The following CAMTA1 variants were observed in gnomAD, a reference collection of about 807,000 sequenced individuals.
CAMTA1 encodes calmodulin-binding transcription activator 1.
Under a neutral mutation model 170.9 loss-of-function variants are expected in CAMTA1, and 27 were observed. That is an observed-to-expected ratio of 0.16 (90% CI 0.12 to 0.22). CAMTA1 has a LOEUF of 0.22. CAMTA1 is among the 10% of genes least tolerant of loss of function. CAMTA1 has a pLI of 1.00. For missense variants in CAMTA1, 1,619 were observed against 2,217.2 expected (o/e 0.73, Z 5.42); for synonymous variants, 833 against 891.5 (o/e 0.93, Z 1.17).
intron 6 of CAMTA1, among the ~76,000 whole-genome samples, chr1:7,623,862 C>T (rs775076560): frequency 3.9e-5 from 6 of 152,208 alleles, no homozygotes; most frequent in East Asian, 1.9e-4. Flanking sequence ...CTGCAGCCAC[C>T]GCAATTAATT....
intron 5 of CAMTA1, among the ~76,000 whole-genome samples, chr1:7,363,810 C>G (rs1434278466): frequency 6.6e-6 from 1 of 152,154 alleles, no homozygotes; most frequent in Non-Finnish European, 1.5e-5. Flanking sequence ...AGGGGTGTTT[C>G]TCCAATAAGC....
intron 5 of CAMTA1, among the ~76,000 whole-genome samples, chr1:7,383,685 G>C (rs751200310): frequency 4.6e-5 from 7 of 152,118 alleles, no homozygotes; most frequent in Non-Finnish European, 8.8e-5. Context: ...TGGTGCTGCT[G>C]CTACTGTCGA....
intron 9 of CAMTA1, among the ~76,000 whole-genome samples, chr1:7,666,713 C>T (rs2096004672): frequency 6.6e-6 from 1 of 152,164 alleles, no homozygotes; most frequent in African/African-American, 2.4e-5. Context: ...GAAGGGGGCT[C>T]ATACTTCCTC....
At chr1:7,764,172 T>C (rs2096999013) in intron 22 of CAMTA1, among the ~76,000 whole-genome samples, 1 of 152,164 alleles carries the variant, frequency 6.6e-6, no homozygotes, top group South Asian at 2.1e-4. Context: ...TACAATTCTA[T>C]ACTGTAATAT....
intron 6 of CAMTA1, among the ~76,000 whole-genome samples, chr1:7,612,049 C>A (rs1273765868): frequency 1.3e-5 from 2 of 152,212 alleles, no homozygotes; most frequent in African/African-American, 4.8e-5. Flanking sequence ...AGGTGTGTTA[C>A]AATTAATGCT....
chr1:7,645,944 T>C (rs990882618), intron 7 of CAMTA1, among the ~76,000 whole-genome samples: 2 of 152,212 alleles, frequency 1.3e-5, no homozygotes, highest in Non-Finnish European at 2.9e-5. Context: ...TGGCAGGTGG[T>C]GGAGGCCATA....
At chr1:7,451,185 T>C (rs754355319) in intron 5 of CAMTA1, among the ~76,000 whole-genome samples, 17 of 152,318 alleles carry the variant, frequency 1.1e-4, no homozygotes, top group Non-Finnish European at 2.5e-4. Flanking sequence ...CTGACTCCAG[T>C]TGACAGCCAT....
chr1:7,406,650 G>T (rs1036145413), intron 5 of CAMTA1, among the ~76,000 whole-genome samples: 3 of 151,692 alleles, frequency 2.0e-5, no homozygotes, highest in Non-Finnish European at 4.4e-5. Context: ...GCACACACAC[G>T]CACACACATG....
intron 3 of CAMTA1, among the ~76,000 whole-genome samples, chr1:6,899,552 GCGCACACACACACACA>G (rs1472362865): frequency 1.9e-5 from 2 of 104,716 alleles, no homozygotes; most frequent in Admixed American, 1.8e-4. Flanking sequence ...GCACGCGCGC[GCGCACACACACACACA>G]CACACACACA....
At chr1:7,571,234 T>C (rs1185804887) in intron 6 of CAMTA1, among the ~76,000 whole-genome samples, 1 of 152,228 alleles carries the variant, frequency 6.6e-6, no homozygotes, top group Non-Finnish European at 1.5e-5. Flanking sequence ...GATAACCATC[T>C]TCTCACTGCG....
intron 5 of CAMTA1, among the ~76,000 whole-genome samples, chr1:7,446,866 T>C (rs1424237389): frequency 1.3e-5 from 2 of 152,168 alleles, no homozygotes; most frequent in African/African-American, 4.8e-5. Context: ...GGTTGTTCCT[T>C]GTAAGGGCAC....
In CAMTA1 at chr1:7,067,287, T is replaced by C. The variant is rs1237318154; in HGVS notation, c.235-24017T>C. The stretch of plus-strand genomic sequence containing the variant: ...GCTGGGAAGTTCCTGTCCCTTGTAC[T>C]CAGGGTCTCTCTTCCCTGGACAGTG... On this transcript the variant is annotated intron_variant, in intron 3 of 22. Transcript: ENST00000303635. The surrounding 1 kb of genome is among the most constrained non-coding windows in gnomAD (Gnocchi z 4.3). Among the ~76,000 whole-genome samples the C allele has an allele frequency of 6.6e-6, 1 of 152,216 alleles. No individual in the cohort carries two copies. Among genetic ancestry groups the C allele is most frequent in the Admixed American group, 6.5e-5 (1 of 15,286 alleles).
intron 6 of CAMTA1, among the ~76,000 whole-genome samples, chr1:7,520,114 C>A (rs1300146905): frequency 1.4e-5 from 2 of 146,590 alleles, no homozygotes; most frequent in Non-Finnish European, 3.0e-5. Flanking sequence ...CAACTCATTT[C>A]CAGGGCTTTG....
Position 7,580,422 on chromosome 1 carries a change from G to A in CAMTA1, c.511-59978G>A, listed in dbSNP as rs1179226343. On this transcript the variant is annotated intron_variant, in intron 6 of 22. Transcript: ENST00000303635. This position sits in a 1 kb window ranked among gnomAD's most constrained non-coding sequence, Gnocchi z 4.3. ...GTCTGGGGGAGAGGAAGGAAGACAG[G>A]TGAGGGGGCTGATGGGAGCCATGAT... 6.6e-6 allele frequency among the ~76,000 whole-genome samples: 1 copy of A among 152,108 alleles called. No individual in the cohort carries two copies. Among genetic ancestry groups the A allele is most frequent in the Admixed American group, 6.5e-5 (1 of 15,278 alleles).
chr1:7,060,812 G>C (rs1708090553), intron 3 of CAMTA1, among the ~76,000 whole-genome samples: 1 of 152,260 alleles, frequency 6.6e-6, no homozygotes, highest in East Asian at 1.9e-4. Flanking sequence ...TCAAGAATTG[G>C]GTTCCAATTT....
intron 6 of CAMTA1, among the ~76,000 whole-genome samples, chr1:7,617,392 GA>G (rs1191616464): frequency 6.6e-6 from 1 of 152,182 alleles, no homozygotes; most frequent in Non-Finnish European, 1.5e-5. Context: ...CGAAAACTTT[GA>G]AAGTATAGAC....
chr1:7,120,719 C>A (rs1165091120), intron 4 of CAMTA1, among the ~76,000 whole-genome samples: 1 of 152,190 alleles, frequency 6.6e-6, no homozygotes, highest in Non-Finnish European at 1.5e-5. Flanking sequence ...CATGCTCAGG[C>A]CTTGCTGCCT....
At chr1:6,997,660 C>CTTTTTTTTTTT (rs111887834) in intron 3 of CAMTA1, among the ~76,000 whole-genome samples, 1 of 127,636 alleles carries the variant, frequency 7.8e-6, no homozygotes, top group Non-Finnish European at 1.6e-5. Flanking sequence ...TCTTTTCTTT[C>CTTTTTTTTTTT]TTTTTTTTTT....
chr1:7,528,277 T>C (rs2094452304), intron 6 of CAMTA1, among the ~76,000 whole-genome samples: 1 of 152,164 alleles, frequency 6.6e-6, no homozygotes, highest in African/African-American at 2.4e-5. Context: ...GGGGAGTTAG[T>C]GTTTCACTGC....
Sources: allele counts gnomAD v4.1 joint callset (sites outside exome capture counted in the v4.1 genomes callset), GRCh38; gene constraint gnomAD v4.1.1; non-coding constraint Gnocchi (gnomAD v3.1); transcripts MANE v1.5; gene names NCBI Gene and HGNC (gene_info 2026-07-23, HGNC 2026-07-21).